Variants in EZR observed in about 807,000 individuals in gnomAD.
EZR encodes the protein ezrin.
A neutral mutation model predicts 74.8 loss-of-function variants in EZR; 40 were observed. That is an observed-to-expected ratio of 0.53 (90% confidence interval 0.42 to 0.70). The LOEUF is 0.70. EZR is among the 30% of genes least tolerant of loss of function. The pLI is 0.00. For synonymous variants in EZR, 341 were observed against 283.3 expected (o/e 1.20, Z -2.05); for missense variants, 678 against 755.8 (o/e 0.90, Z 1.21).
intron 7 of EZR, among the ~76,000 whole-genome samples, chr6:158,778,607 A>C (rs1033583568): frequency 1.3e-5 from 2 of 152,242 alleles, no homozygotes; most frequent in African/African-American, 4.8e-5. Context: ...CACATTAAAA[A>C]AGCGTGATTC....
intron 8 of EZR, among the ~76,000 whole-genome samples, chr6:158,774,467 G>A (rs528599770): frequency 6.6e-6 from 1 of 152,018 alleles, no homozygotes; most frequent in Admixed American, 6.6e-5. Context: ...CAGGGTAGGA[G>A]CTTTGCCTTG....
At chr6:158,816,383 G>A (rs1201114014) in intron 2 of EZR, among the ~76,000 whole-genome samples, 3 of 152,180 alleles carry the variant, frequency 2.0e-5, no homozygotes, top group African/African-American at 7.2e-5. Context: ...TGAGAAATGA[G>A]AAAGAAAAGT....
chr6:158,768,461 A>G (rs551736231), intron 12 of EZR, among the ~76,000 whole-genome samples: 6 of 152,308 alleles, frequency 3.9e-5, no homozygotes, highest in African/African-American at 4.8e-5. Context: ...GGTACTAGGC[A>G]GCAGCAGCCC....
At chr6:158,771,216 C>T (rs550560192) in intron 9 of EZR, 28 bp downstream of exon 9, 329 of 1,583,712 alleles carry the variant, frequency 2.1e-4, no homozygotes, top group Middle Eastern at 1.8e-4. Flanking sequence ...GAACACAGGC[C>T]CCCCCCACTC....
chr6:158,800,154 T>C (rs1325404756), intron 2 of EZR, among the ~76,000 whole-genome samples: 1 of 152,168 alleles, frequency 6.6e-6, no homozygotes, highest in Non-Finnish European at 1.5e-5. Context: ...GCTAAAGGTA[T>C]TTATCAAAAT....
rs532715872 is a variant in EZR, at chr6:158,803,975, C to CTACT, written c.12+14103_12+14106dup. On this transcript the variant is annotated intron_variant, in intron 2 of 13. Coordinates refer to ENST00000367075, the MANE Select transcript of EZR (RefSeq NM_001111077.2). ...GGAAGAGTTCTGTGCTAAGCCCTCC[C>CTACT]TACTGTCCACTGCATCTGGGAGGCA... Among the ~76,000 whole-genome samples the CTACT allele has an allele frequency of 1.2e-3, 177 of 151,508 alleles. No homozygotes were observed. The South Asian group carries it at 0.016, about 14-fold the overall frequency.
chr6:158,767,013 G>A lies in EZR; in HGVS notation c.1662C>T (p.His554=). The change falls in exon 14 of 14, where the codon CAC becomes CAT. Residue 554 remains histidine (H), a synonymous_variant. Coordinates refer to ENST00000367075, the MANE Select transcript of EZR (RefSeq NM_001111077.2). The part of the protein sequence containing the change: ...ENKRTHNDII[H]NENMRQGRDK... ...CCCGGCCTTGCCTCATGTTCTCGTT[G>A]TGGATGATGTCATTGTGGGTCCTCT... is the stretch of plus-strand genomic sequence containing the variant. 2.5e-6 allele frequency: 4 copies of A among 1,614,190 alleles called. No homozygotes were observed. Among genetic ancestry groups the A allele is most frequent in the Middle Eastern group, 1.6e-4 (1 of 6,062 alleles).
chr6:158,817,577 A>C (rs571023273), intron 2 of EZR, among the ~76,000 whole-genome samples: 5 of 152,340 alleles, frequency 3.3e-5, no homozygotes, highest in Admixed American at 2.6e-4. Context: ...TCATGGGCCT[A>C]GTAGGAAGCG....
At chr6:158,809,026 G>A (rs1777398747) in intron 2 of EZR, among the ~76,000 whole-genome samples, 1 of 152,220 alleles carries the variant, frequency 6.6e-6, no homozygotes, top group South Asian at 2.1e-4. Flanking sequence ...TCCCCCAGGA[G>A]TTCAAGGCTG....
intron 8 of EZR, among the ~76,000 whole-genome samples, chr6:158,772,946 G>A (rs1232090370): frequency 6.6e-6 from 1 of 152,210 alleles, no homozygotes; most frequent in African/African-American, 2.4e-5. Flanking sequence ...GTGATGCCAA[G>A]CCCTGAGAGC....
intron 2 of EZR, among the ~76,000 whole-genome samples, chr6:158,793,149 C>A (rs1583575357): frequency 6.9e-6 from 1 of 145,648 alleles, no homozygotes; most frequent in East Asian, 2.1e-4. Context: ...GTCAAGACCC[C>A]ATCTCTCTAC....
chr6:158,771,405 G>A lies in EZR; in HGVS notation c.798C>T (p.Asp266=). The part of the protein sequence containing the change: ...VIKPIDKKAP[D]FVFYAPRLRI... ...TCAGACGTGGGGCATAAAACACAAA[G>A]TCCTACAAAACAGAACAGGGCCACC... is the stretch of plus-strand genomic sequence containing the variant. The change falls in exon 9 of 14, where the codon GAC becomes GAT. Residue 266 remains aspartate (D), a splice_region_variant and synonymous_variant. Transcript: ENST00000367075. The A allele has an allele frequency of 6.2e-7, 1 of 1,604,254 alleles. No homozygotes were observed. Among genetic ancestry groups the A allele is most frequent in the Non-Finnish European group, 8.5e-7 (1 of 1,174,578 alleles).
intron 2 of EZR, among the ~76,000 whole-genome samples, chr6:158,806,281 C>A (rs1777337299): frequency 6.6e-6 from 1 of 152,186 alleles, no homozygotes; most frequent in Non-Finnish European, 1.5e-5. Context: ...ATCCTCCCAC[C>A]TCAACACTCA....
At position 158,787,181 on chromosome 6, in the gene EZR, C is replaced by T. The variant is rs748659395; in HGVS notation, c.119G>A (p.Arg40Gln). The T allele has an allele frequency of 5.0e-6, 8 of 1,613,084 alleles. No individual in the cohort carries two copies. Among genetic ancestry groups the T allele is most frequent in the Non-Finnish European group, 5.9e-6 (7 of 1,179,214 alleles). ...GTGGAGGCCAAAGTACCACACTTCC[C>T]GGAGGCCGATAGTCTTTACCACCTG... is the stretch of plus-strand genomic sequence containing the variant. ...FDQVVKTIGL[R>Q]EVWYFGLHYV... Residue 40 changes from arginine (R) to glutamine (Q), a missense_variant, in exon 4 of 14, where the codon CGG (arginine) becomes CAG (glutamine). Physicochemically the swap from Arg to Gln is conservative, Grantham distance 43. This residue lies in a region of EZR where 217 missense variants were observed against 232.2 expected (regional missense o/e 0.93). Coordinates refer to ENST00000367075, the MANE Select transcript of EZR (RefSeq NM_001111077.2).
chr6:158,769,288 G>A (rs1166671651), intron 12 of EZR, 38 bp downstream of exon 12: 12 of 1,570,840 alleles, frequency 7.6e-6, no homozygotes, highest in Non-Finnish European at 9.6e-6. Flanking sequence ...GGCAACAGGT[G>A]CTGTGGCCGT....
In EZR at chr6:158,785,554, A is replaced by G. The variant is rs1242064750; in HGVS notation, c.222T>C (p.Asn74=). ...KVSAQEVRKE[N]PLQFKFRAKF... ...TGGCCCGGAACTTGAACTGGAGGGGATTCTCCTTCCTGACCTCCTGGGCAG... is the reference window on the plus strand; with the variant it reads ...TGGCCCGGAACTTGAACTGGAGGGGGTTCTCCTTCCTGACCTCCTGGGCAG... The change falls in exon 5 of 14, where the codon AAT becomes AAC. Residue 74 remains asparagine (N), a synonymous_variant. Coordinates refer to ENST00000367075, the MANE Select transcript of EZR (RefSeq NM_001111077.2). 6.2e-7 allele frequency: 1 copy of G among 1,613,850 alleles called. No individual in the cohort carries two copies. The highest frequency in any genetic ancestry group is 8.5e-7 in the Non-Finnish European group (1 of 1,179,988).
rs559382638 is a variant in EZR at position 158,795,711 on chromosome 6, C to T, written c.13-6340G>A. On this transcript the variant is annotated intron_variant, in intron 2 of 13. Coordinates refer to ENST00000367075, the MANE Select transcript of EZR (RefSeq NM_001111077.2). ...AGATGGGTGTGCCTCAGTGATCACA[C>T]ACCACAGTGCTTCCCACATCAGCCT... 2.2e-4 allele frequency among the ~76,000 whole-genome samples: 34 copies of T among 152,340 alleles called. No individual in the cohort carries two copies. In the South Asian group the frequency reaches 6.0e-3, roughly 27 times the overall value.
At position 158,769,472 on chromosome 6, in the gene EZR, C is replaced by T. The variant is rs1296086282; in HGVS notation, c.1252-54G>A. On this transcript the variant is annotated intron_variant, in intron 11 of 13. Transcript: ENST00000367075. Reference sequence around the variant, plus strand: ...GTTCTGATATCCTTTCAACGGAGTCCAGTTGTGAATGAGTGTTCATGTGTG... The same window carrying T: ...GTTCTGATATCCTTTCAACGGAGTCTAGTTGTGAATGAGTGTTCATGTGTG... 5.1e-6 allele frequency: 8 copies of T among 1,554,900 alleles called. No individual in the cohort carries two copies. In the African/African-American group the frequency reaches 5.4e-5, roughly 11 times the overall value.
At chr6:158,817,824 G>C (rs1777591642) in intron 2 of EZR, among the ~76,000 whole-genome samples, 1 of 152,230 alleles carries the variant, frequency 6.6e-6, no homozygotes, top group South Asian at 2.1e-4. Context: ...CTAGTTTTTA[G>C]AAAAGACCGT....
Sources: gnomAD v4.1 joint callset for allele counts (sites outside exome capture counted in the v4.1 genomes callset) on GRCh38, gnomAD v4.1.1 for gene constraint, gnomAD v4.1.1 regional missense constraint, MANE v1.5 for transcripts, NCBI Gene and HGNC (gene_info 2026-07-23, HGNC 2026-07-21) for gene names.